PVT1: variants seen among roughly 807,000 people sequenced by gnomAD.
The protein encoded by PVT1 is Pvt1 oncogene.
chr8:128,067,951 G>GA (rs1563679497), intron 4 of PVT1, among the ~76,000 whole-genome samples: 1 of 90,962 alleles, frequency 1.1e-5, no homozygotes, highest in Non-Finnish European at 2.3e-5. Flanking sequence ...AACATACTTT[G>GA]TGTTTTTTTT....
At chr8:127,817,225 C>A (rs1268464939) in intron 2 of PVT1, among the ~76,000 whole-genome samples, 3 of 151,626 alleles carry the variant, frequency 2.0e-5, no homozygotes, top group Non-Finnish European at 2.9e-5. Context: ...TGGTTGAGAG[C>A]GCTGTTCTGG....
intron 2 of PVT1, among the ~76,000 whole-genome samples, chr8:127,862,117 A>C (rs1305729649): frequency 6.6e-6 from 1 of 152,132 alleles, no homozygotes; most frequent in Admixed American, 6.5e-5. Context: ...AAAAAATTTT[A>C]ACTTTTCTGG....
At chr8:128,007,421 A>G (rs1476698632) in intron 4 of PVT1, among the ~76,000 whole-genome samples, 3 of 145,674 alleles carry the variant, frequency 2.1e-5, no homozygotes, top group Non-Finnish European at 4.6e-5. Flanking sequence ...ATTTTAAAAT[A>G]AAAACTAAAA....
At chr8:127,956,631 C>T (rs556933419) in intron 3 of PVT1, among the ~76,000 whole-genome samples, 55 of 152,308 alleles carry the variant, frequency 3.6e-4, no homozygotes, top group African/African-American at 1.2e-3. Flanking sequence ...ACTACAGGCA[C>T]GCGCCACCAC....
At chr8:127,825,678 G>A (rs919688435) in intron 2 of PVT1, among the ~76,000 whole-genome samples, 1 of 151,980 alleles carries the variant, frequency 6.6e-6, no homozygotes, top group Non-Finnish European at 1.5e-5. Context: ...AAAACCAAAG[G>A]GCTTAGGTTC....
intron 4 of PVT1, among the ~76,000 whole-genome samples, chr8:128,034,626 T>C (rs1477451653): frequency 6.6e-6 from 1 of 152,178 alleles, no homozygotes; most frequent in Non-Finnish European, 1.5e-5. Flanking sequence ...TGGACAAATG[T>C]AGGTACAAGC....
chr8:127,991,782 G>T (rs1307723757), intron 4 of PVT1, among the ~76,000 whole-genome samples: 6 of 152,182 alleles, frequency 3.9e-5, no homozygotes, highest in Non-Finnish European at 8.8e-5. Context: ...CCTGAAGAAA[G>T]GCCCAGGCAT....
intron 3 of PVT1, among the ~76,000 whole-genome samples, chr8:127,987,480 T>A (rs1221890778): frequency 6.6e-6 from 1 of 152,170 alleles, no homozygotes; most frequent in Non-Finnish European, 1.5e-5. Flanking sequence ...CCTTTTCATT[T>A]CCTCCTGGGA....
At chr8:128,026,530 G>A (rs1202132665) in intron 4 of PVT1, among the ~76,000 whole-genome samples, 1 of 152,076 alleles carries the variant, frequency 6.6e-6, no homozygotes. Context: ...CGAGCAGTGG[G>A]TAGAAAATGA....
At chr8:127,962,198 C>T (rs1376800087) in intron 3 of PVT1, among the ~76,000 whole-genome samples, 1 of 151,898 alleles carries the variant, frequency 6.6e-6, no homozygotes, top group African/African-American at 2.4e-5. Flanking sequence ...ATCTCTTGAT[C>T]TCGTGATCCA....
At chr8:127,922,958 C>G (rs1816080818) in intron 3 of PVT1, among the ~76,000 whole-genome samples, 1 of 152,246 alleles carries the variant, frequency 6.6e-6, no homozygotes, top group African/African-American at 2.4e-5. Context: ...GCCATCTCCC[C>G]ACCTTGCTGT....
chr8:127,843,199 T>C (rs1814991772), intron 2 of PVT1, among the ~76,000 whole-genome samples: 1 of 151,970 alleles, frequency 6.6e-6, no homozygotes, highest in Admixed American at 6.6e-5. Context: ...CTACTAAAAA[T>C]ACAAAAATTA....
At chr8:127,919,411 G>T (rs1166028824) in intron 3 of PVT1, among the ~76,000 whole-genome samples, 3 of 152,204 alleles carry the variant, frequency 2.0e-5, no homozygotes, top group Non-Finnish European at 2.9e-5. Context: ...GAAAGTTATT[G>T]ACTTAGCGAC....
At chr8:127,809,372 A>G (rs1814566585) in intron 2 of PVT1, among the ~76,000 whole-genome samples, 2 of 152,048 alleles carry the variant, frequency 1.3e-5, no homozygotes, top group Admixed American at 1.3e-4. Flanking sequence ...TTTGTTTTTA[A>G]TTTTTTATAA....
At chr8:128,071,187 C>G (rs570549372) in intron 5 of PVT1, among the ~76,000 whole-genome samples, 1 of 152,152 alleles carries the variant, frequency 6.6e-6, no homozygotes, top group South Asian at 2.1e-4. Context: ...GCAGGTTCTG[C>G]GTGACAGAAA....
At chr8:127,893,095 G>A (rs1292567182) in intron 3 of PVT1, among the ~76,000 whole-genome samples, 1 of 152,124 alleles carries the variant, frequency 6.6e-6, no homozygotes, top group African/African-American at 2.4e-5. Context: ...AATGGTTATG[G>A]CAATGAATAA....
rs1300618612 is a variant in PVT1 at position 127,923,446 on chromosome 8, C to G, written n.782+32448C>G. Among the ~76,000 whole-genome samples, 3 of 152,194 alleles carry G rather than the reference C, an allele frequency of 2.0e-5. No homozygotes were observed. In the East Asian group the frequency reaches 5.8e-4, roughly 29 times the overall value. Reference sequence around the variant, plus strand: ...GTTGGGGCCTGGTGTGGGACATGCTCAGAGGAGGACGAGGAGGATGATTTG... The same window carrying G: ...GTTGGGGCCTGGTGTGGGACATGCTGAGAGGAGGACGAGGAGGATGATTTG... On this transcript the variant is annotated intron_variant and non_coding_transcript_variant, in intron 3 of 10. Transcript: ENST00000651587.
At chr8:127,867,183 G>A (rs570556647) in intron 2 of PVT1, among the ~76,000 whole-genome samples, 1 of 152,386 alleles carries the variant, frequency 6.6e-6, no homozygotes, top group African/African-American at 2.4e-5. Context: ...CAGGGATACT[G>A]CCTGGGCATG....
chr8:127,835,822 TTAGA>T (rs1814903158), intron 2 of PVT1, among the ~76,000 whole-genome samples: 1 of 152,200 alleles, frequency 6.6e-6, no homozygotes, highest in Non-Finnish European at 1.5e-5. Flanking sequence ...AATTCATTTG[TTAGA>T]TAGACTATGC....
Sources: allele counts gnomAD v4.1 joint callset (sites outside exome capture counted in the v4.1 genomes callset), GRCh38; gene constraint gnomAD v4.1.1; transcripts MANE v1.5; gene names NCBI Gene and HGNC (gene_info 2026-07-23, HGNC 2026-07-21).